The following EIF5 variants were observed in gnomAD, a reference collection of about 807,000 sequenced individuals.
EIF5 encodes eukaryotic translation initiation factor 5.
Under a neutral mutation model 48.3 loss-of-function variants are expected in EIF5, and 10 were observed. The observed-to-expected ratio is 0.21, with a 90% CI of 0.13 to 0.35. The LOEUF (loss-of-function observed/expected upper bound fraction) is 0.35. EIF5 is among the 10% of genes least tolerant of loss of function. EIF5 has a pLI of 1.00. For synonymous variants in EIF5, 237 were observed against 173.1 expected (o/e 1.37, Z -2.90); for missense variants, 397 against 533.2 (o/e 0.74, Z 2.51).
intron 7 of EIF5, 93 bp downstream of exon 7, chr14:103,338,565 C>G: frequency 6.7e-7 from 1 of 1,502,000 alleles, no homozygotes; most frequent in Non-Finnish European, 8.9e-7. Context: ...AACTAGCCTT[C>G]AGTGTGTAAT....
chr14:103,340,882 CTCT>C, intron 11 of EIF5, 78 bp from the exon 12 acceptor site: 2 of 1,431,596 alleles, frequency 1.4e-6, no homozygotes, highest in Non-Finnish European at 2.0e-6. Context: ...CAGTTTCCTC[CTCT>C]GTGACCACAA....
In EIF5 at chr14:103,342,025, T is replaced by G. The variant is rs2089358905; in HGVS notation, c.*973T>G. ...TGGCTTTAATTTTCCCCTCTTGCAG[T>G]TTGTTCTGTAATGCCTTTTACATTT... On this transcript the variant is annotated 3_prime_UTR_variant, in exon 12 of 12. Transcript: ENST00000216554. 6.6e-6 allele frequency: 1 copy of G among 152,656 alleles called. No individual in the cohort carries two copies. The highest frequency in any genetic ancestry group is 2.1e-4 in the South Asian group (1 of 4,830). The allele number at this position is 152,656 out of a possible 1,614,324, so 9.5% of individuals were successfully genotyped here.
At position 103,339,294 on chromosome 14, in the gene EIF5, T is replaced by C; in HGVS notation, c.867T>C (p.Ile289=). Residue 289 remains isoleucine, a synonymous_variant, in exon 9 of 12, where the codon ATT becomes ATC. Coordinates refer to ENST00000216554, the MANE Select transcript of EIF5 (RefSeq NM_001969.5). The part of the protein sequence containing the change: ...VLTEVLFNEK[I]REQIKKYRRH... ...CTGAAGTTCTTTTTAATGAGAAGAT[T>C]AGAGAACAGATTAAGAAATACAGGC... 6.2e-7 allele frequency: 1 copy of C among 1,605,894 alleles called. No individual in the cohort carries two copies. The highest frequency in any genetic ancestry group is 8.5e-7 in the Non-Finnish European group (1 of 1,178,154).
chr14:103,337,747 G>A (rs2089304964), intron 6 of EIF5: 2 of 433,506 alleles, frequency 4.6e-6, no homozygotes, highest in South Asian at 1.8e-5. Context: ...TTATCTGAGG[G>A]TAGATGAAGT....
chr14:103,339,441 T>G, intron 9 of EIF5, 108 bp downstream of exon 9: 1 of 1,458,740 alleles, frequency 6.9e-7, no homozygotes, highest in East Asian at 2.3e-5. Flanking sequence ...GTGGGGAAAT[T>G]GACCCACCTT....
chr14:103,338,271 G>A, intron 6 of EIF5, 56 bp from the exon 7 acceptor site: 1 of 1,585,796 alleles, frequency 6.3e-7, no homozygotes, highest in Non-Finnish European at 8.6e-7. Flanking sequence ...TTAATGATGG[G>A]CAATGAGGTA....
At position 103,338,348 on chromosome 14, in the gene EIF5, G is replaced by T. The variant is rs1406603778; in HGVS notation, c.461G>T (p.Gly154Val). The T allele has an allele frequency of 1.2e-6, 2 of 1,613,840 alleles. No individual in the cohort carries two copies. Among genetic ancestry groups the T allele is most frequent in the Non-Finnish European group, 8.5e-7 (1 of 1,179,892 alleles). The part of the protein sequence containing the change: ...NPPENSDSGT[G>V]KKEKEKKNRK... Reference sequence around the variant, plus strand: ...GTAGAGAATAGTGACAGTGGTACAGGAAAGAAAGAAAAAGAAAAGAAAAAC... The same window carrying T: ...GTAGAGAATAGTGACAGTGGTACAGTAAAGAAAGAAAAAGAAAAGAAAAAC... Residue 154 changes from glycine to valine, a missense_variant, in exon 7 of 12, where the codon GGA becomes GTA. Physicochemically the swap from Gly to Val is moderately radical, Grantham distance 109. Transcript: ENST00000216554.
chr14:103,340,662 T>A, intron 11 of EIF5, 101 bp downstream of exon 11: 5 of 1,467,058 alleles, frequency 3.4e-6, no homozygotes, highest in Non-Finnish European at 3.7e-6. Context: ...TTGGGGTAAT[T>A]TCAGGTTTAG....
chr14:103,337,509 T>C, intron 6 of EIF5: 1 of 410,826 alleles, frequency 2.4e-6, no homozygotes, highest in Non-Finnish European at 4.4e-6. Flanking sequence ...AGCTGAGGCA[T>C]GAGCGTCGCT....
chr14:103,340,570 T>G lies in EIF5; in HGVS notation c.1206+9T>G, dbSNP rs770094129. 1 of 1,606,886 alleles carries G rather than the reference T, an allele frequency of 6.2e-7. No individual in the cohort carries two copies. The highest frequency in any genetic ancestry group is 8.5e-7 in the Non-Finnish European group (1 of 1,173,954). On this transcript the variant is annotated intron_variant, in intron 11 of 11. Transcript: ENST00000216554. ...AAGATGAGAACATTGAGGTAAACAT[T>G]GGGGGAGGAGGGTATTGGATACAGT... is the stretch of plus-strand genomic sequence containing the variant.
chr14:103,339,083 A>G, intron 8 of EIF5, 89 bp from the exon 9 acceptor site: 1 of 1,509,988 alleles, frequency 6.6e-7, no homozygotes, highest in South Asian at 1.3e-5. Flanking sequence ...GGCAGGAAAA[A>G]TATGTTCATC....
rs996411206 is a variant in EIF5, at chr14:103,342,523, C to T, written c.*1471C>T. 6.6e-6 allele frequency: 1 copy of T among 152,166 alleles called. No individual in the cohort carries two copies. Among genetic ancestry groups the T allele is most frequent in the Non-Finnish European group, 1.5e-5 (1 of 68,016 alleles). The allele number at this position is 152,166 out of a possible 1,614,324, so 9.4% of individuals were successfully genotyped here. On this transcript the variant is annotated 3_prime_UTR_variant, in exon 12 of 12. Coordinates refer to ENST00000216554, the MANE Select transcript of EIF5 (RefSeq NM_001969.5). ...TTGGAGCAGTGGCTTATACCATTCA[C>T]CTCTGTTTTTTTGTGATTATTTCAC...
Position 103,340,420 on chromosome 14 carries a change from T to G in EIF5, c.1072-7T>G. On this transcript the variant is annotated splice_region_variant and splice_polypyrimidine_tract_variant and intron_variant, in intron 10 of 11. Transcript: ENST00000216554. Reference sequence around the variant, plus strand: ...TCAACTAAGAGACTTGTACTCACATTTTTTAGGCCTCTAAGAAATATGTCT... The same window carrying G: ...TCAACTAAGAGACTTGTACTCACATGTTTTAGGCCTCTAAGAAATATGTCT... The G allele has an allele frequency of 1.3e-6, 2 of 1,596,976 alleles. No individual in the cohort carries two copies. Among genetic ancestry groups the G allele is most frequent in the Non-Finnish European group, 1.7e-6 (2 of 1,165,760 alleles).
At chr14:103,337,556 C>A in intron 6 of EIF5, 1 of 333,234 alleles carries the variant, frequency 3.0e-6, no homozygotes, top group South Asian at 3.0e-5. Flanking sequence ...GAGCTGAGAT[C>A]GTGCCACTGC....
At position 103,338,863 on chromosome 14, in the gene EIF5, G is replaced by C. The variant is rs1404966629; in HGVS notation, c.714G>C (p.Glu238Asp). The C allele has an allele frequency of 1.9e-6, 3 of 1,614,156 alleles. No homozygotes were observed. The highest frequency in any genetic ancestry group is 2.5e-6 in the Non-Finnish European group (3 of 1,180,040). ...ATGATTTGGAAAGAACAATTGAGGAGAGGGTCAATATCCTCTTTGATTTTG... is the reference window on the plus strand; with the variant it reads ...ATGATTTGGAAAGAACAATTGAGGACAGGGTCAATATCCTCTTTGATTTTG... Reference protein sequence around the residue: ...LSDDLERTIEERVNILFDFVK... With the variant: ...LSDDLERTIEDRVNILFDFVK... The change falls in exon 8 of 12, where the codon GAG (glutamate) becomes GAC (aspartate). Residue 238 changes from glutamate to aspartate, a missense_variant. Physicochemically the swap from Glu to Asp is conservative, Grantham distance 45. Coordinates refer to ENST00000216554, the MANE Select transcript of EIF5 (RefSeq NM_001969.5).
chr14:103,337,138 C>T lies in EIF5; in HGVS notation c.350C>T (p.Thr117Ile). The T allele has an allele frequency of 6.2e-7, 1 of 1,611,572 alleles. No individual in the cohort carries two copies. The highest frequency in any genetic ancestry group is 8.5e-7 in the Non-Finnish European group (1 of 1,179,436). Residue 117 changes from threonine to isoleucine, a missense_variant, in exon 6 of 12, where the codon ACA becomes ATA. Around this residue, in one of 4 missense-constraint regions of EIF5, gnomAD observed 108 missense variants for 188.3 expected, o/e 0.57. Transcript: ENST00000216554. ...TDLHVNPKKQ[T>I]IGNSCKACGY... Reference sequence around the variant, plus strand: ...CAGCATGTCAATCCAAAGAAGCAAACAATAGGTAATTCTTGTAAAGCCTGT... The same window carrying T: ...CAGCATGTCAATCCAAAGAAGCAAATAATAGGTAATTCTTGTAAAGCCTGT...
At chr14:103,337,031 A>G (rs1345986999) in intron 5 of EIF5, 85 bp from the exon 6 acceptor site, 5 of 1,382,402 alleles carry the variant, frequency 3.6e-6, no homozygotes, top group African/African-American at 1.5e-5. Flanking sequence ...TTTTCTTTGC[A>G]TGTGAAGCTG....
At position 103,338,403 on chromosome 14, in the gene EIF5, C is replaced by T. The variant is rs749183948; in HGVS notation, c.516C>T (p.Ser172=). 32 of 1,609,034 alleles carry T rather than the reference C, an allele frequency of 2.0e-5. No individual in the cohort carries two copies. The highest frequency in any genetic ancestry group is 2.4e-5 in the Non-Finnish European group (28 of 1,177,368). The change falls in exon 7 of 12, where the codon TCC becomes TCT. Residue 172 remains serine (S), a synonymous_variant. Coordinates refer to ENST00000216554, the MANE Select transcript of EIF5 (RefSeq NM_001969.5). ...AGGGCAAAGACAAGGAAAATGGCTC[C>T]GTATCCAGCAGTGAGACACCACCAC... The part of the protein sequence containing the change: ...NRKGKDKENG[S]VSSSETPPPP...
intron 7 of EIF5, 46 bp from the exon 8 acceptor site, chr14:103,338,689 G>T (rs371375525): frequency 6.3e-7 from 1 of 1,586,838 alleles, no homozygotes; most frequent in East Asian, 2.2e-5. Context: ...CCTTTTTGTT[G>T]TTGTTTTTAA....
Sources: allele counts gnomAD v4.1 joint callset, GRCh38; gene constraint gnomAD v4.1.1; regional missense constraint gnomAD v4.1.1; transcripts MANE v1.5; gene names NCBI Gene and HGNC (gene_info 2026-07-23, HGNC 2026-07-21).